Variants in PUDP observed in about 807,000 individuals in gnomAD.
The protein encoded by PUDP is pseudouridine-5'-phosphatase.
In PUDP, 8 loss-of-function variants were observed where a neutral mutation model predicts 9.4. That is an observed-to-expected ratio of 0.85 (90% CI 0.50 to 1.53). The LOEUF (loss-of-function observed/expected upper bound fraction) is 1.53, where lower values mean the gene tolerates loss of function less well. Ranked by LOEUF, PUDP falls within the 40% of genes most tolerant of loss-of-function variation. PUDP has a pLI of 0.00. For synonymous variants in PUDP, 99 were observed against 80.7 expected (o/e 1.23, Z -1.22); for missense variants, 188 against 189.7 (o/e 0.99, Z 0.05).
intron 3 of PUDP, among the ~76,000 whole-genome samples, chrX:6,739,452 T>A (rs1298667580): frequency 9.0e-6 from 1 of 111,481 alleles, no homozygotes; most frequent in Non-Finnish European, 1.9e-5. Flanking sequence ...ATTGCTCCTC[T>A]CCAGGGACAT....
intron 1 of PUDP, among the ~76,000 whole-genome samples, chrX:6,717,693 G>T (rs544895994): frequency 1.6e-4 from 18 of 111,987 alleles, no homozygotes; most frequent in South Asian, 7.6e-4. Context: ...AGTTGACTTT[G>T]AGTTCTCTAA....
chrX:6,906,222 G>T (rs926434370), intron 3 of PUDP, among the ~76,000 whole-genome samples: 3 of 111,527 alleles, frequency 2.7e-5, no homozygotes, highest in Admixed American at 9.6e-5. Context: ...GCACCTGCAT[G>T]TTGACTCTCC....
At chrX:7,145,471 C>T (rs1432039557) in intron 1 of PUDP, among the ~76,000 whole-genome samples, 3 of 111,648 alleles carry the variant, frequency 2.7e-5, no homozygotes, top group Non-Finnish European at 5.6e-5. Context: ...TCAAAATCAT[C>T]CCAGTTTTTA....
At chrX:7,077,574 G>T in intron 2 of PUDP, 125 bp from the exon 3 acceptor site, 1 of 501,510 alleles carries the variant, frequency 2.0e-6, no homozygotes, top group South Asian at 3.2e-5. Flanking sequence ...AGGAATTTCT[G>T]ACCTAGGACA....
intron 1 of PUDP, among the ~76,000 whole-genome samples, chrX:6,710,988 A>G (rs1469982805): frequency 9.0e-6 from 1 of 111,286 alleles, no homozygotes; most frequent in Non-Finnish European, 1.9e-5. Flanking sequence ...AGCTGCACTG[A>G]TCACGTATGT....
chrX:6,917,534 A>G lies in PUDP; in HGVS notation c.*247+59599T>C, dbSNP rs942522640. Among the ~76,000 whole-genome samples the G allele has an allele frequency of 4.5e-5, 5 of 112,006 alleles. No homozygotes were observed. The East Asian group carries it at 1.4e-3, about 31-fold the overall frequency. Reference sequence around the variant, plus strand: ...GACGTCAAGTCAGAAAACAAGAGAAATTGTTGAAAAAATTATCTAAATATA... The same window carrying G: ...GACGTCAAGTCAGAAAACAAGAGAAGTTGTTGAAAAAATTATCTAAATATA... On this transcript the variant is annotated intron_variant and NMD_transcript_variant, in intron 3 of 3. Transcript: ENST00000655425.
chrX:7,109,985 C>CT (rs201097521), intron 1 of PUDP, among the ~76,000 whole-genome samples: 1 of 110,606 alleles, frequency 9.0e-6, no homozygotes, highest in African/African-American at 3.3e-5. Context: ...TCCCCTCCTC[C>CT]CAGCTGGAAT....
At chrX:7,022,802 G>A (rs769783723) in intron 1 of PUDP, among the ~76,000 whole-genome samples, 5 of 111,679 alleles carry the variant, frequency 4.5e-5, no homozygotes, top group East Asian at 2.8e-4. Flanking sequence ...CTTAACTCTC[G>A]TACCTGAAAC....
chrX:7,023,078 C>T (rs1929655426), intron 1 of PUDP, among the ~76,000 whole-genome samples: 1 of 111,476 alleles, frequency 9.0e-6, no homozygotes, highest in Non-Finnish European at 1.9e-5. Flanking sequence ...CCTTGTAATT[C>T]ATGAGCCATT....
At chrX:7,141,898 T>A (rs1394976605) in intron 1 of PUDP, among the ~76,000 whole-genome samples, 3 of 112,512 alleles carry the variant, frequency 2.7e-5, no homozygotes, top group Non-Finnish European at 5.6e-5. Context: ...ACAGCAAAGC[T>A]TGGATGACAG....
intron 1 of PUDP, among the ~76,000 whole-genome samples, chrX:7,147,706 C>T (rs1242462412): frequency 8.9e-6 from 1 of 111,906 alleles, no homozygotes; most frequent in Non-Finnish European, 1.9e-5. Context: ...GGTCCCGCCG[C>T]GCCTCGCTCT....
intron 1 of PUDP, among the ~76,000 whole-genome samples, chrX:7,018,445 A>G (rs994539750): frequency 8.9e-6 from 1 of 112,430 alleles, no homozygotes; most frequent in Admixed American, 9.4e-5. Flanking sequence ...TTGGGTCTAA[A>G]TCAAAGAAAA....
intron 3 of PUDP, among the ~76,000 whole-genome samples, chrX:6,748,627 G>C (rs893785306): frequency 1.8e-5 from 2 of 111,223 alleles, no homozygotes; most frequent in African/African-American, 3.3e-5. Context: ...AAAAAATAAC[G>C]AACACCACTT....
intron 3 of PUDP, among the ~76,000 whole-genome samples, chrX:6,814,424 C>G (rs942026211): frequency 1.8e-5 from 2 of 110,936 alleles, no homozygotes; most frequent in Non-Finnish European, 3.8e-5. Flanking sequence ...CAAATATTAT[C>G]AGATATTGAG....
intron 3 of PUDP, among the ~76,000 whole-genome samples, chrX:7,055,572 T>C (rs1411858551): frequency 1.8e-5 from 2 of 110,740 alleles, no homozygotes; most frequent in African/African-American, 6.7e-5. Flanking sequence ...GATTTTTATG[T>C]CGTCTTTAGA....
intron 3 of PUDP, among the ~76,000 whole-genome samples, chrX:7,067,137 G>A (rs1015897470): frequency 3.6e-5 from 4 of 112,108 alleles, no homozygotes; most frequent in African/African-American, 1.3e-4. Context: ...ATTCTGTTCT[G>A]AGATTTGCTG....
At chrX:6,792,382 A>C (rs1398745748) in intron 3 of PUDP, among the ~76,000 whole-genome samples, 1 of 109,089 alleles carries the variant, frequency 9.2e-6, no homozygotes, top group African/African-American at 3.3e-5. Flanking sequence ...CAAATATGGA[A>C]ACTTGGCACT....
upstream of PUDP, among the ~76,000 whole-genome samples, chrX:6,722,425 A>G (rs1924685082): frequency 9.4e-6 from 1 of 106,432 alleles, no homozygotes; most frequent in Non-Finnish European, 1.9e-5. Context: ...AGCCTGGGCC[A>G]CAGAGTGAGA....
intron 1 of PUDP, among the ~76,000 whole-genome samples, chrX:7,025,552 T>C (rs1224984131): frequency 2.7e-5 from 3 of 111,795 alleles, no homozygotes; most frequent in Non-Finnish European, 5.6e-5. Flanking sequence ...TCACTGCATA[T>C]ATCTGTGCTT....
Sources: allele counts gnomAD v4.1 joint callset (sites outside exome capture counted in the v4.1 genomes callset), GRCh38; gene constraint gnomAD v4.1.1; transcripts MANE v1.5; gene names NCBI Gene and HGNC (gene_info 2026-07-23, HGNC 2026-07-21).